Variants in GUCY1A2 observed in about 807,000 individuals in gnomAD.
GUCY1A2 encodes the protein guanylate cyclase 1 soluble subunit alpha 2.
Under a neutral mutation model 63.5 loss-of-function variants are expected in GUCY1A2, and 27 were observed. That is an observed-to-expected ratio of 0.43 (90% CI 0.31 to 0.59). The LOEUF is 0.59. Ranked by LOEUF, GUCY1A2 falls within the 20% of genes least tolerant of loss-of-function variation. The pLI, the probability that GUCY1A2 is intolerant of heterozygous loss-of-function variation, is 0.11. For synonymous variants in GUCY1A2, 364 were observed against 343.5 expected (o/e 1.06, Z -0.66); for missense variants, 768 against 913.3 (o/e 0.84, Z 2.05).
At chr11:107,005,527 A>G (rs950981312) in intron 1 of GUCY1A2, among the ~76,000 whole-genome samples, 1 of 151,728 alleles carries the variant, frequency 6.6e-6, no homozygotes, top group Admixed American at 6.6e-5. Context: ...TCCCATCTCA[A>G]CCTCCCAAAG....
chr11:106,971,422 C>T (rs1177615495), intron 3 of GUCY1A2, among the ~76,000 whole-genome samples: 2 of 152,092 alleles, frequency 1.3e-5, no homozygotes, highest in African/African-American at 4.8e-5. Context: ...CCAAACTGCC[C>T]ATAGGCACTG....
At chr11:106,840,111 T>G (rs973569164) in intron 4 of GUCY1A2, among the ~76,000 whole-genome samples, 2 of 151,998 alleles carry the variant, frequency 1.3e-5, no homozygotes, top group Non-Finnish European at 2.9e-5. Flanking sequence ...GAAGTCATTC[T>G]TTCAGTTGTG....
chr11:106,884,654 TAG>T (rs1434297404), intron 4 of GUCY1A2, among the ~76,000 whole-genome samples: 1 of 151,974 alleles, frequency 6.6e-6, no homozygotes, highest in Admixed American at 6.6e-5. Flanking sequence ...TTTCAAGAAG[TAG>T]AGAGTCTTCA....
At chr11:106,870,673 C>G (rs868630959) in intron 4 of GUCY1A2, among the ~76,000 whole-genome samples, 1 of 152,052 alleles carries the variant, frequency 6.6e-6, no homozygotes, top group Non-Finnish European at 1.5e-5. Flanking sequence ...ATAAACAGCT[C>G]TGGATAACTT....
intron 6 of GUCY1A2, among the ~76,000 whole-genome samples, chr11:106,736,004 T>G (rs747931744): frequency 6.6e-5 from 10 of 152,146 alleles, no homozygotes; most frequent in Non-Finnish European, 1.5e-4. Context: ...ATTGAGTTGT[T>G]TGAGCTCCCT....
chr11:106,902,351 A>G (rs1860145786), intron 4 of GUCY1A2, among the ~76,000 whole-genome samples: 1 of 152,182 alleles, frequency 6.6e-6, no homozygotes, highest in South Asian at 2.1e-4. Flanking sequence ...ATTCTTTTTA[A>G]GAACCCAAGG....
chr11:106,967,044 A>G (rs1255297913), intron 3 of GUCY1A2, among the ~76,000 whole-genome samples: 1 of 152,234 alleles, frequency 6.6e-6, no homozygotes, highest in Non-Finnish European at 1.5e-5. Flanking sequence ...ACACAGAACC[A>G]GAAGACAGAG....
At chr11:106,843,428 T>C (rs1859227738) in intron 4 of GUCY1A2, among the ~76,000 whole-genome samples, 1 of 151,658 alleles carries the variant, frequency 6.6e-6, no homozygotes, top group South Asian at 2.1e-4. Flanking sequence ...AATTAAAAAG[T>C]AGATGAACAT....
chr11:106,816,587 G>A (rs1047662645), intron 4 of GUCY1A2, among the ~76,000 whole-genome samples: 12 of 150,246 alleles, frequency 8.0e-5, no homozygotes, highest in Non-Finnish European at 5.9e-5. Context: ...AAGCAGAAGG[G>A]AGGAAACAAA....
intron 4 of GUCY1A2, among the ~76,000 whole-genome samples, chr11:106,888,016 T>C (rs1859921653): frequency 6.6e-6 from 1 of 152,180 alleles, no homozygotes; most frequent in Non-Finnish European, 1.5e-5. Context: ...ACAGTGATCC[T>C]GGATAAATCA....
intron 4 of GUCY1A2, among the ~76,000 whole-genome samples, chr11:106,921,305 T>C (rs1334655787): frequency 2.6e-5 from 4 of 152,076 alleles, no homozygotes; most frequent in Non-Finnish European, 5.9e-5. Context: ...ATCCCTCAGC[T>C]GTTTCCACAC....
intron 4 of GUCY1A2, among the ~76,000 whole-genome samples, chr11:106,902,838 A>T (rs936530737): frequency 6.6e-5 from 10 of 152,204 alleles, no homozygotes; most frequent in African/African-American, 2.4e-4. Context: ...GAAATGACTT[A>T]AAGTATACAG....
At position 106,675,371 on chromosome 11, in the gene GUCY1A2, C is replaced by T. The variant is rs1359133559; in HGVS notation, c.*12178G>A. 5.1e-6 allele frequency: 1 copy of T among 196,644 alleles called. No individual in the cohort carries two copies. The highest frequency in any genetic ancestry group is 1.1e-5 in the Non-Finnish European group (1 of 95,086). 12.2% of individuals were successfully genotyped at this position (196,644 alleles called of 1,614,324 possible). A position where few individuals can be genotyped will look rare whatever the true frequency, so the allele number is the denominator to read the frequency against. On this transcript the variant is annotated 3_prime_UTR_variant, in exon 8 of 8. Coordinates refer to ENST00000526355, the MANE Select transcript of GUCY1A2 (RefSeq NM_000855.3). ...GGACCATTATTCTATTTGAACCTAA[C>T]CTGAATTCCCTCATAGTCAAAACCT...
In GUCY1A2 at chr11:106,918,382, A is replaced by C. The variant is rs1419486475; in HGVS notation, c.1206+21078T>G. On this transcript the variant is annotated intron_variant, in intron 4 of 7. Coordinates refer to ENST00000526355, the MANE Select transcript of GUCY1A2 (RefSeq NM_000855.3). ...CTTTAATTCTGCTCTTTGAAAGCAA[A>C]TATTTTACCCAACACACCATTTTTT... is the stretch of plus-strand genomic sequence containing the variant. 1.4e-5 allele frequency among the ~76,000 whole-genome samples: 2 copies of C among 145,738 alleles called. 1 individual carries two copies. The highest frequency in any genetic ancestry group is 4.9e-5 in the African/African-American group (2 of 40,932).
intron 5 of GUCY1A2, among the ~76,000 whole-genome samples, chr11:106,806,697 G>A (rs1392732950): frequency 1.3e-5 from 2 of 152,088 alleles, no homozygotes; most frequent in Non-Finnish European, 2.9e-5. Context: ...TCTTCAATTT[G>A]CCTAGCTCTT....
chr11:106,704,297 C>G (rs1312692265), intron 7 of GUCY1A2, among the ~76,000 whole-genome samples: 1 of 152,138 alleles, frequency 6.6e-6, no homozygotes, highest in Non-Finnish European at 1.5e-5. Context: ...GTATAAGGAG[C>G]TTTAAAAATA....
At chr11:106,790,382 T>C (rs952724618) in intron 5 of GUCY1A2, among the ~76,000 whole-genome samples, 1 of 151,466 alleles carries the variant, frequency 6.6e-6, no homozygotes, top group Admixed American at 6.6e-5. Context: ...GCTTATCCTT[T>C]GGGGCAATGG....
intron 7 of GUCY1A2, among the ~76,000 whole-genome samples, chr11:106,697,180 T>G (rs1179548505): frequency 1.3e-5 from 2 of 152,226 alleles, no homozygotes; most frequent in Non-Finnish European, 2.9e-5. Context: ...ACTGTCATGT[T>G]GGCTAATATC....
chr11:106,782,660 T>C (rs1864485291), intron 5 of GUCY1A2, among the ~76,000 whole-genome samples: 1 of 152,182 alleles, frequency 6.6e-6, no homozygotes, highest in South Asian at 2.1e-4. Flanking sequence ...GCCAAGAGTC[T>C]GAGTCCATAA....
Sources: gnomAD v4.1 joint callset for allele counts (sites outside exome capture counted in the v4.1 genomes callset) on GRCh38, gnomAD v4.1.1 for gene constraint, MANE v1.5 for transcripts, NCBI Gene and HGNC (gene_info 2026-07-23, HGNC 2026-07-21) for gene names.